The following PTPRD variants were observed in gnomAD, a reference collection of about 807,000 sequenced individuals.
The protein encoded by PTPRD is receptor-type tyrosine-protein phosphatase delta.
Under a neutral mutation model 214.5 loss-of-function variants are expected in PTPRD, and 34 were observed. That is an observed-to-expected ratio of 0.16 (90% CI 0.12 to 0.21). The LOEUF (loss-of-function observed/expected upper bound fraction) is 0.21, where lower values mean the gene tolerates loss of function less well. Ranked by LOEUF, PTPRD falls within the 10% of genes least tolerant of loss-of-function variation. The pLI, the probability that PTPRD is intolerant of heterozygous loss-of-function variation, is 1.00. For missense variants in PTPRD, 2,545 were observed against 2,398.7 expected (o/e 1.06, Z -1.27); for synonymous variants, 1,128 against 845.7 (o/e 1.33, Z -5.79).
chr9:8,805,336 T>G (rs1486720005), intron 11 of PTPRD, among the ~76,000 whole-genome samples: 1 of 152,184 alleles, frequency 6.6e-6, no homozygotes, highest in Non-Finnish European at 1.5e-5. Flanking sequence ...TCTGACCAGG[T>G]GGTCTCTCTC....
intron 10 of PTPRD, among the ~76,000 whole-genome samples, chr9:9,086,165 CTA>C (rs1469035738): frequency 1.3e-5 from 2 of 152,182 alleles, no homozygotes; most frequent in African/African-American, 2.4e-5. Flanking sequence ...AGTGTGACCT[CTA>C]TACATTTTTC....
intron 8 of PTPRD, among the ~76,000 whole-genome samples, chr9:9,406,576 A>C (rs2073477336): frequency 6.6e-6 from 1 of 151,842 alleles, no homozygotes. Flanking sequence ...ACAATTTCAA[A>C]CTGATAAGAG....
chr9:9,660,270 G>A (rs575818895), intron 7 of PTPRD, among the ~76,000 whole-genome samples: 1 of 151,944 alleles, frequency 6.6e-6, no homozygotes, highest in Non-Finnish European at 1.5e-5. Flanking sequence ...GTGGAGGACT[G>A]ACATGGCTTG....
intron 5 of PTPRD, among the ~76,000 whole-genome samples, chr9:9,908,346 G>C (rs2078198671): frequency 6.6e-6 from 1 of 151,938 alleles, no homozygotes; most frequent in South Asian, 2.1e-4. Flanking sequence ...AGGGAACAGA[G>C]GGCATTTCAA....
chr9:10,533,151 AGGTT>A (rs1454289436), intron 2 of PTPRD, among the ~76,000 whole-genome samples: 16 of 152,052 alleles, frequency 1.1e-4, no homozygotes, highest in Non-Finnish European at 5.9e-5. Context: ...TTGCATACAC[AGGTT>A]CCATTCCTGC....
At chr9:10,231,989 A>AGTGTGT (rs61314978) in intron 3 of PTPRD, among the ~76,000 whole-genome samples, 1,026 of 92,444 alleles carry the variant, frequency 0.011, 16 homozygotes, top group South Asian at 0.025. Flanking sequence ...AGAGAGAGAG[A>AGTGTGT]GTGTGTGTGT....
intron 11 of PTPRD, among the ~76,000 whole-genome samples, chr9:8,876,102 G>C (rs189695840): frequency 6.6e-6 from 1 of 152,212 alleles, no homozygotes; most frequent in East Asian, 1.9e-4. Context: ...ATCAGTAAAT[G>C]AGCATATAAT....
At chr9:8,558,451 G>A (rs2084858019) in intron 14 of PTPRD, among the ~76,000 whole-genome samples, 1 of 152,084 alleles carries the variant, frequency 6.6e-6, no homozygotes, top group Non-Finnish European at 1.5e-5. Flanking sequence ...CATGCCACGT[G>A]CCACATCCTA....
chr9:10,107,902 A>G (rs1225495573), intron 3 of PTPRD, among the ~76,000 whole-genome samples: 1 of 152,160 alleles, frequency 6.6e-6, no homozygotes, highest in Non-Finnish European at 1.5e-5. Context: ...CACAAACATT[A>G]TACTTTATAT....
chr9:9,385,014 T>C lies in PTPRD; in HGVS notation c.-203+12435A>G, dbSNP rs376221691. On this transcript the variant is annotated intron_variant, in intron 9 of 45. Transcript: ENST00000381196. ...TTCAAACTTTGAAGTATTTATATTT[T>C]TTCTATCAGGTGCTATTTGGGCAAT... 2.6e-4 allele frequency among the ~76,000 whole-genome samples: 40 copies of C among 152,324 alleles called. No homozygotes were observed. In the South Asian group the frequency reaches 7.9e-3, roughly 30 times the overall value.
chr9:8,469,918 C>T (rs2096619234), intron 31 of PTPRD, among the ~76,000 whole-genome samples: 1 of 152,118 alleles, frequency 6.6e-6, no homozygotes. Flanking sequence ...GGTCAGATCA[C>T]AGTCTCCTTT....
chr9:8,721,442 AAAAG>A (rs1436700305), intron 12 of PTPRD, among the ~76,000 whole-genome samples: 5 of 152,070 alleles, frequency 3.3e-5, no homozygotes, highest in Non-Finnish European at 5.9e-5. Flanking sequence ...AAAAAAAAAA[AAAAG>A]AAAGATAAAG....
chr9:9,517,644 T>A (rs1005396897), intron 8 of PTPRD, among the ~76,000 whole-genome samples: 1 of 152,054 alleles, frequency 6.6e-6, no homozygotes, highest in Non-Finnish European at 1.5e-5. Flanking sequence ...ATTTACAAAG[T>A]ATAACAAATG....
intron 39 of PTPRD, among the ~76,000 whole-genome samples, chr9:8,355,562 A>C (rs2076766975): frequency 6.6e-6 from 1 of 152,234 alleles, no homozygotes; most frequent in Non-Finnish European, 1.5e-5. Context: ...CTCATGCAGA[A>C]TAATACTAGA....
At chr9:10,561,267 G>C (rs1051494908) in intron 2 of PTPRD, among the ~76,000 whole-genome samples, 1 of 152,056 alleles carries the variant, frequency 6.6e-6, no homozygotes, top group African/African-American at 2.4e-5. Context: ...TGTCAGGGTC[G>C]TTTTATAAGA....
At chr9:9,915,683 AG>A (rs1288970461) in intron 5 of PTPRD, among the ~76,000 whole-genome samples, 1 of 151,928 alleles carries the variant, frequency 6.6e-6, no homozygotes, top group Non-Finnish European at 1.5e-5. Context: ...TAAATGAACC[AG>A]GAAAAAAAAA....
intron 5 of PTPRD, among the ~76,000 whole-genome samples, chr9:9,879,302 A>G (rs2067882602): frequency 6.6e-6 from 1 of 152,170 alleles, no homozygotes; most frequent in African/African-American, 2.4e-5. Flanking sequence ...GTTTAGTAGC[A>G]TCCCTGGCCT....
intron 4 of PTPRD, among the ~76,000 whole-genome samples, chr9:10,032,047 G>A (rs1046329609): frequency 1.3e-5 from 2 of 151,986 alleles, no homozygotes; most frequent in African/African-American, 2.4e-5. Flanking sequence ...GCCTAGTTTT[G>A]GAGTTGAACT....
At chr9:10,239,071 C>G (rs1270479154) in intron 3 of PTPRD, among the ~76,000 whole-genome samples, 3 of 151,878 alleles carry the variant, frequency 2.0e-5, no homozygotes, top group Non-Finnish European at 4.4e-5. Flanking sequence ...AGTCTTAATC[C>G]TAATCCTGTT....
Sources: allele counts gnomAD v4.1 joint callset (sites outside exome capture counted in the v4.1 genomes callset), GRCh38; gene constraint gnomAD v4.1.1; transcripts MANE v1.5; gene names NCBI Gene and HGNC (gene_info 2026-07-23, HGNC 2026-07-21).